Variants in HDAC3 observed in about 807,000 individuals in gnomAD.
The protein encoded by HDAC3 is SMAP45.
Under a neutral mutation model 62.3 loss-of-function variants are expected in HDAC3, and 21 were observed. The ratio of observed to expected loss-of-function variants is 0.34; its 90% CI spans 0.24 to 0.49. HDAC3 has a LOEUF of 0.49. Ranked by LOEUF, HDAC3 falls within the 20% of genes least tolerant of loss-of-function variation. The pLI, the probability that HDAC3 is intolerant of heterozygous loss-of-function variation, is 0.99. For synonymous variants in HDAC3, 198 were observed against 206.5 expected (o/e 0.96, Z 0.35); for missense variants, 270 against 556.9 (o/e 0.48, Z 5.19).
intron 14 of HDAC3, among the ~76,000 whole-genome samples, chr5:141,622,530 G>C (rs2099903850): frequency 6.6e-6 from 1 of 152,032 alleles, no homozygotes; most frequent in Non-Finnish European, 1.5e-5. Context: ...CTTGAACCTG[G>C]GAGGCGGAGG....
In HDAC3 at chr5:141,629,600, G is replaced by T; in HGVS notation, c.476+84C>A. On this transcript the variant is annotated intron_variant, in intron 6 of 14. Coordinates refer to ENST00000305264, the MANE Select transcript of HDAC3 (RefSeq NM_003883.4). This position sits in a 1 kb window ranked among gnomAD's most constrained non-coding sequence, Gnocchi z 5.3. ...TTGGGAGAAGCTAATCAGGGAGGAG[G>T]GAGGTCAAGGTCAGGGTTGAGACTG... 7.5e-7 allele frequency: 1 copy of T among 1,327,744 alleles called. No individual in the cohort carries two copies. Among genetic ancestry groups the T allele is most frequent in the Non-Finnish European group, 1.1e-6 (1 of 934,412 alleles). The allele number at this position is 1,327,744 out of a possible 1,614,324, so 82.2% of individuals were successfully genotyped here.
chr5:141,625,997 G>A lies in HDAC3; in HGVS notation c.979+16C>T, dbSNP rs1279474777. Reference sequence around the variant, plus strand: ...ATGGCCTTCCTGTTATGGGGGTGTTGTGGGGTGGTCCTTACCACTATAGGG... The same window carrying A: ...ATGGCCTTCCTGTTATGGGGGTGTTATGGGGTGGTCCTTACCACTATAGGG... On this transcript the variant is annotated intron_variant, in intron 12 of 14. Coordinates refer to ENST00000305264, the MANE Select transcript of HDAC3 (RefSeq NM_003883.4). The surrounding 1 kb of genome is among the most constrained non-coding windows in gnomAD (Gnocchi z 4.0). The A allele has an allele frequency of 5.6e-6, 9 of 1,605,596 alleles. No homozygotes were observed. Among genetic ancestry groups the A allele is most frequent in the Non-Finnish European group, 6.8e-6 (8 of 1,172,372 alleles).
intron 14 of HDAC3, among the ~76,000 whole-genome samples, chr5:141,624,628 C>T (rs1227247759): frequency 1.3e-5 from 2 of 151,114 alleles, no homozygotes; most frequent in African/African-American, 4.9e-5. Context: ...CTATCTAACC[C>T]ACTCAAACAA....
intron 3 of HDAC3, among the ~76,000 whole-genome samples, chr5:141,631,040 G>A (rs1298185274): frequency 6.6e-6 from 1 of 151,696 alleles, no homozygotes; most frequent in Non-Finnish European, 1.5e-5. Flanking sequence ...CCTAAAAAAG[G>A]TTAATTTTAC....
chr5:141,633,553 C>A (rs919785158), intron 3 of HDAC3, among the ~76,000 whole-genome samples: 2 of 151,844 alleles, frequency 1.3e-5, no homozygotes, highest in South Asian at 4.2e-4. Context: ...CAGCTGGGTG[C>A]GATGGCTCAC....
Position 141,625,577 on chromosome 5 carries a change from G to A in HDAC3, c.1059+108C>T. 2 of 1,211,432 alleles carry A rather than the reference G, an allele frequency of 1.7e-6. No homozygotes were observed. The highest frequency in any genetic ancestry group is 1.2e-5 in the South Asian group (1 of 80,606). 75.0% of individuals were successfully genotyped at this position (1,211,432 alleles called of 1,614,324 possible). On this transcript the variant is annotated intron_variant, in intron 13 of 14. Transcript: ENST00000305264. The surrounding 1 kb of genome is among the most constrained non-coding windows in gnomAD (Gnocchi z 4.0). ...CCTAGTCAATAACAGTGACTGTGAT[G>A]GCTTAGAACTTCCTTCTCTTTGGTT...
chr5:141,623,025 A>C (rs2099903926), intron 14 of HDAC3, among the ~76,000 whole-genome samples: 1 of 152,142 alleles, frequency 6.6e-6, no homozygotes, highest in South Asian at 2.1e-4. Context: ...TGGGAGGCTA[A>C]GGCAGGAGAA....
intron 14 of HDAC3, among the ~76,000 whole-genome samples, chr5:141,624,407 AT>A (rs1490623721): frequency 9.9e-5 from 14 of 141,408 alleles, no homozygotes; most frequent in South Asian, 2.3e-4. Context: ...AAAAAAAAAA[AT>A]TAGCCAGGTG....
Position 141,628,535 on chromosome 5 carries a change from C to T in HDAC3, c.691+24G>A, listed in dbSNP as rs2099904775. 3 of 1,591,470 alleles carry T rather than the reference C, an allele frequency of 1.9e-6. No homozygotes were observed. The highest frequency in any genetic ancestry group is 1.7e-5 in the Admixed American group (1 of 59,922). On this transcript the variant is annotated intron_variant, in intron 8 of 14. Coordinates refer to ENST00000305264, the MANE Select transcript of HDAC3 (RefSeq NM_003883.4). This position sits in a 1 kb window ranked among gnomAD's most constrained non-coding sequence, Gnocchi z 4.7. ...GGAGAAAAAGAAGGGGCCTAGGGAA[C>T]AGAGGGAAGACTTCGGTACTTACTC...
Position 141,629,723 on chromosome 5 carries a change from T to C in HDAC3, c.437A>G (p.Tyr146Cys). 2 of 1,614,102 alleles carry C rather than the reference T, an allele frequency of 1.2e-6. No individual in the cohort carries two copies. The highest frequency in any genetic ancestry group is 1.3e-5 in the African/African-American group (1 of 75,000). ...GATGCCAATCACAATGTCGTTGACATAGCAGAAGCCAGAGGCCTATGGCAA... is the reference window on the plus strand; with the variant it reads ...GATGCCAATCACAATGTCGTTGACACAGCAGAAGCCAGAGGCCTATGGCAA... Reference protein sequence around the residue: ...AKKFEASGFCYVNDIVIGILE... With the variant: ...AKKFEASGFCCVNDIVIGILE... Residue 146 changes from tyrosine (Y) to cysteine (C), a missense_variant, in exon 6 of 15, where the codon TAT becomes TGT. Coordinates refer to ENST00000305264, the MANE Select transcript of HDAC3 (RefSeq NM_003883.4). This position sits in a 1 kb window ranked among gnomAD's most constrained non-coding sequence, Gnocchi z 5.3.
chr5:141,625,208 C>T lies in HDAC3; in HGVS notation c.1217G>A (p.Arg406Lys), dbSNP rs1596435748. 2 of 1,601,598 alleles carry T rather than the reference C, an allele frequency of 1.2e-6. No homozygotes were observed. The highest frequency in any genetic ancestry group is 1.7e-6 in the Non-Finnish European group (2 of 1,176,580). The part of the protein sequence containing the change: ...EERGPEENYS[R>K]PEAPNEFYDG... Reference sequence around the variant, plus strand: ...TAGGCTGAAGTCCCTGCTCCCAGACCTGCTATAGTTCTCCTCAGGACCCCT... The same window carrying T: ...TAGGCTGAAGTCCCTGCTCCCAGACTTGCTATAGTTCTCCTCAGGACCCCT... The change falls in exon 14 of 15, where the codon AGG (arginine) becomes AAG (lysine). Residue 406 changes from arginine (R) to lysine (K), a missense_variant and splice_region_variant. Transcript: ENST00000305264. The surrounding 1 kb of genome is among the most constrained non-coding windows in gnomAD (Gnocchi z 4.0).
intron 3 of HDAC3, among the ~76,000 whole-genome samples, chr5:141,632,790 T>G (rs1596444535): frequency 1.3e-5 from 2 of 152,314 alleles, no homozygotes; most frequent in South Asian, 4.1e-4. Flanking sequence ...AGAGGTTGAA[T>G]AGAGAACTAA....
chr5:141,634,053 T>A (rs2099905624), intron 3 of HDAC3, among the ~76,000 whole-genome samples: 1 of 152,170 alleles, frequency 6.6e-6, no homozygotes, highest in African/African-American at 2.4e-5. Flanking sequence ...TGTTGTCCAC[T>A]CTCTTCCCCA....
intron 14 of HDAC3, chr5:141,624,791 G>A (rs2099904226): frequency 6.4e-6 from 1 of 157,258 alleles, no homozygotes; most frequent in South Asian, 1.9e-4. Context: ...ACAGCTATAT[G>A]ATGTAAAGCA....
rs555046400 is a variant in HDAC3, at chr5:141,629,067, T to C, written c.610+106A>G. The C allele has an allele frequency of 6.0e-6, 7 of 1,171,310 alleles. No individual in the cohort carries two copies. The South Asian group carries it at 8.7e-5, about 15-fold the overall frequency. The allele number at this position is 1,171,310 out of a possible 1,614,324, so 72.6% of individuals were successfully genotyped here. On this transcript the variant is annotated intron_variant, in intron 7 of 14. Coordinates refer to ENST00000305264, the MANE Select transcript of HDAC3 (RefSeq NM_003883.4). This position sits in a 1 kb window ranked among gnomAD's most constrained non-coding sequence, Gnocchi z 5.3. ...GATAACTGGAGTGGTAAGGAAAGGC[T>C]TCTCTGAGGAGGGGACACCTGAGAT...
chr5:141,631,531 G>A (rs897197777), intron 3 of HDAC3, among the ~76,000 whole-genome samples: 2 of 152,168 alleles, frequency 1.3e-5, no homozygotes, highest in Non-Finnish European at 2.9e-5. Context: ...AAGCTGAAAG[G>A]GGAAAGGAAG....
At chr5:141,632,134 C>G (rs192245626) in intron 3 of HDAC3, among the ~76,000 whole-genome samples, 201 of 152,360 alleles carry the variant, frequency 1.3e-3, no homozygotes, top group African/African-American at 4.7e-3. Context: ...AGCAATTCTC[C>G]TGCCTCAGCC....
At chr5:141,623,649 G>A (rs2099904000) in intron 14 of HDAC3, among the ~76,000 whole-genome samples, 1 of 152,180 alleles carries the variant, frequency 6.6e-6, no homozygotes, top group Non-Finnish European at 1.5e-5. Flanking sequence ...GGATATCCTT[G>A]GAGGAAGAGA....
chr5:141,625,074 AGAGT>A lies in HDAC3; in HGVS notation c.1217+130_1217+133del, dbSNP rs772151724. 120 of 835,880 alleles carry A rather than the reference AGAGT, an allele frequency of 1.4e-4. No individual in the cohort carries two copies. The highest frequency in any genetic ancestry group is 2.2e-4 in the Non-Finnish European group (117 of 543,552). The allele number at this position is 835,880 out of a possible 1,614,324, so 51.8% of individuals were successfully genotyped here. A position where few individuals can be genotyped will look rare whatever the true frequency, so the allele number is the denominator to read the frequency against. On this transcript the variant is annotated intron_variant, in intron 14 of 14. Coordinates refer to ENST00000305264, the MANE Select transcript of HDAC3 (RefSeq NM_003883.4). The surrounding 1 kb of genome is among the most constrained non-coding windows in gnomAD (Gnocchi z 4.0). The stretch of plus-strand genomic sequence containing the variant: ...TTTGTCATTAAAAATAACAAAGAAA[AGAGT>A]GAGGAAATTGTAGCAGACTAAAGGA...
Sources: allele counts gnomAD v4.1 joint callset (sites outside exome capture counted in the v4.1 genomes callset), GRCh38; gene constraint gnomAD v4.1.1; non-coding constraint Gnocchi (gnomAD v3.1); transcripts MANE v1.5; gene names NCBI Gene and HGNC (gene_info 2026-07-23, HGNC 2026-07-21).